GATA4: variants seen among roughly 807,000 people sequenced by gnomAD.
GATA4 encodes the protein transcription factor GATA-4.
In GATA4, 7 loss-of-function variants were observed where a neutral mutation model predicts 37.9. The observed-to-expected ratio is 0.18, with a 90% confidence interval of 0.11 to 0.35. GATA4 has a LOEUF of 0.35. Ranked by LOEUF, GATA4 falls within the 10% of genes least tolerant of loss-of-function variation. The pLI, the probability that GATA4 is intolerant of heterozygous loss-of-function variation, is 1.00. For synonymous variants in GATA4, 372 were observed against 292.6 expected, an observed-to-expected ratio of 1.27 and a Z score of -2.77; for missense variants, 647 against 653.0, an observed-to-expected ratio of 0.99 and a Z score of 0.10.
intron 1 of GATA4, chr8:11,694,510 C>T (rs1398061267): frequency 2.0e-6 from 2 of 985,274 alleles, no homozygotes; most frequent in African/African-American, 1.7e-5. Context: ...CTTTCCCTTG[C>T]CACCTTTTGG....
At position 11,755,944 on chromosome 8, in the gene GATA4, G is replaced by A. The variant is rs1483391863; in HGVS notation, c.1000+811G>A. The stretch of plus-strand genomic sequence containing the variant: ...AAAAAGAAATACATTTAAAAAGAAC[G>A]AGGGCTGTTCTTTTTTAAATTTATT... On this transcript the variant is annotated intron_variant, in intron 5 of 6. Coordinates refer to ENST00000532059, the MANE Select transcript of GATA4 (RefSeq NM_001308093.3). 5.4e-5 allele frequency among the ~76,000 whole-genome samples: 8 copies of A among 149,524 alleles called. No individual in the cohort carries two copies. The East Asian group carries it at 1.2e-3, about 22-fold the overall frequency.
chr8:11,754,776 C>G (rs960569975), intron 4 of GATA4, among the ~76,000 whole-genome samples: 1 of 152,182 alleles, frequency 6.6e-6, no homozygotes, highest in African/African-American at 2.4e-5. Context: ...CTGTGAATTT[C>G]TGAGGGTAGG....
intron 6 of GATA4, among the ~76,000 whole-genome samples, chr8:11,757,515 C>T (rs1390091083): frequency 6.6e-6 from 1 of 152,212 alleles, no homozygotes; most frequent in Non-Finnish European, 1.5e-5. Context: ...AGCGGAGGTT[C>T]TCTAGGCAAG....
chr8:11,703,967 G>A (rs111297459), upstream of GATA4, among the ~76,000 whole-genome samples: 946 of 152,366 alleles, frequency 6.2e-3, 8 homozygotes, highest in African/African-American at 0.022. Flanking sequence ...ATCGACCTCC[G>A]GCTGGGTTGC....
chr8:11,742,264 C>A (rs185832956), intron 2 of GATA4, among the ~76,000 whole-genome samples: 2 of 152,268 alleles, frequency 1.3e-5, no homozygotes, highest in Admixed American at 1.3e-4. Context: ...TTCTCTTTGT[C>A]ATTTGTAAAA....
chr8:11,732,375 G>C (rs998042620), intron 2 of GATA4, among the ~76,000 whole-genome samples: 3 of 152,176 alleles, frequency 2.0e-5, no homozygotes, highest in Non-Finnish European at 2.9e-5. Context: ...GGAAGGCTGA[G>C]AGCAGGGTCT....
chr8:11,728,758 A>C (rs907082375), intron 2 of GATA4, among the ~76,000 whole-genome samples: 5 of 152,212 alleles, frequency 3.3e-5, no homozygotes, highest in Non-Finnish European at 5.9e-5. Context: ...GGAGGCTGCC[A>C]AGTTGAATTA....
intron 1 of GATA4, among the ~76,000 whole-genome samples, chr8:11,682,494 A>G (rs1799003344): frequency 6.6e-6 from 1 of 152,240 alleles, no homozygotes; most frequent in Non-Finnish European, 1.5e-5. Context: ...TATTTCATAG[A>G]ATAGTGCTGA....
At chr8:11,758,006 G>C (rs1435317471) in intron 6 of GATA4, among the ~76,000 whole-genome samples, 1 of 152,200 alleles carries the variant, frequency 6.6e-6, no homozygotes, top group Non-Finnish European at 1.5e-5. Flanking sequence ...GGTAGAAAGT[G>C]TCTCCTGTAA....
intron 4 of GATA4, among the ~76,000 whole-genome samples, chr8:11,751,175 C>A (rs921078467): frequency 7.2e-5 from 11 of 152,136 alleles, no homozygotes; most frequent in Non-Finnish European, 1.5e-4. Context: ...AAGACCAATA[C>A]ACACAGTATC....
chr8:11,733,805 A>T (rs1219155444), intron 2 of GATA4, among the ~76,000 whole-genome samples: 1 of 152,100 alleles, frequency 6.6e-6, no homozygotes, highest in East Asian at 1.9e-4. Flanking sequence ...TCTGGTGAGG[A>T]TTATTTCCAC....
At chr8:11,716,125 C>T (rs958257443) in intron 2 of GATA4, among the ~76,000 whole-genome samples, 1 of 152,154 alleles carries the variant, frequency 6.6e-6, no homozygotes, top group Admixed American at 6.5e-5. Flanking sequence ...CATGGATGGA[C>T]ACCTGAGTTG....
In GATA4 at chr8:11,680,603, G is replaced by A. The variant is rs576750137; in HGVS notation, c.-274+3540G>A. 20 of 985,368 alleles carry A rather than the reference G, an allele frequency of 2.0e-5. No homozygotes were observed. The African/African-American group carries it at 3.5e-4, about 17-fold the overall frequency. The allele number at this position is 985,368 out of a possible 1,614,324, so 61.0% of individuals were successfully genotyped here. ...AGGCTATGCCCAGCCGGGTCCGAGC[G>A]GCGGTCGGTGGCGTGACCTCTTGCC... On this transcript the variant is annotated intron_variant, in intron 1 of 6. Coordinates refer to the GATA4 transcript ENST00000528712.
intron 2 of GATA4, among the ~76,000 whole-genome samples, chr8:11,743,231 A>G (rs1427742354): frequency 6.6e-6 from 1 of 152,272 alleles, no homozygotes; most frequent in Non-Finnish European, 1.5e-5. Context: ...CAGCTAGACC[A>G]AAACAACTTT....
Position 11,756,997 on chromosome 8 carries a change from A to C in GATA4, c.1063A>C (p.Thr355Pro). 1.2e-6 allele frequency: 2 copies of C among 1,614,168 alleles called. No individual in the cohort carries two copies. The highest frequency in any genetic ancestry group is 1.1e-5 in the South Asian group (1 of 91,024). Residue 355 changes from threonine to proline, a missense_variant, in exon 6 of 7, where the codon ACC becomes CCC. By Grantham distance (38) the Thr-to-Pro change is conservative (BLOSUM62 -1). Around this residue, in one of 5 missense-constraint regions of GATA4, gnomAD observed 184 missense variants for 157.1 expected, o/e 1.17. Transcript: ENST00000532059. ...TGCTTCCAGCAACTCCAGCAACGCC[A>C]CCACCAGCAGCAGCGAGGAGATGCG... ...SGASSNSSNATTSSSEEMRPI... is the reference protein window; with the variant it reads ...SGASSNSSNAPTSSSEEMRPI...
chr8:11,715,058 A>C (rs1317936464), intron 2 of GATA4, among the ~76,000 whole-genome samples: 1 of 152,216 alleles, frequency 6.6e-6, no homozygotes, highest in African/African-American at 2.4e-5. Flanking sequence ...GAATGTTTTT[A>C]TGCACGTGGC....
At chr8:11,750,339 A>G in intron 4 of GATA4, 103 bp downstream of exon 4, 1 of 1,502,516 alleles carries the variant, frequency 6.7e-7, no homozygotes, top group Non-Finnish European at 9.1e-7. Context: ...TTTCCTTCTT[A>G]ACAAAGAGAC....
At chr8:11,726,674 T>C (rs796989094) in intron 2 of GATA4, among the ~76,000 whole-genome samples, 9 of 152,210 alleles carry the variant, frequency 5.9e-5, no homozygotes, top group African/African-American at 2.2e-4. Flanking sequence ...TGCCTTCTGA[T>C]GCAGTTGGAG....
Position 11,750,005 on chromosome 8 carries a change from A to C in GATA4, c.787-106A>C, listed in dbSNP as rs1236499850. On this transcript the variant is annotated intron_variant, in intron 3 of 6. Coordinates refer to ENST00000532059, the MANE Select transcript of GATA4 (RefSeq NM_001308093.3). ...ATCTCATGCAGGGTCGTTAGGGCCC[A>C]GCCCTGCCTCCCGTTAGGGAGGCCC... is the stretch of plus-strand genomic sequence containing the variant. 2.0e-6 allele frequency: 3 copies of C among 1,537,132 alleles called. No homozygotes were observed. The African/African-American group carries it at 4.1e-5, about 21-fold the overall frequency.
Sources: allele counts gnomAD v4.1 joint callset (sites outside exome capture counted in the v4.1 genomes callset), GRCh38; gene constraint gnomAD v4.1.1; regional missense constraint gnomAD v4.1.1; transcripts MANE v1.5; gene names NCBI Gene and HGNC (gene_info 2026-07-23, HGNC 2026-07-21).